Variants in TMEM272 observed in about 807,000 individuals in gnomAD.
TMEM272 encodes the protein long intergenic non-protein coding RNA 282.
Under a neutral mutation model 3.7 loss-of-function variants are expected in TMEM272, and 8 were observed. The observed-to-expected ratio is 2.17, with a 90% CI of 1.27 to 3.91. TMEM272 has a LOEUF of 3.91. TMEM272 is among the 30% of genes most tolerant of loss of function. The probability of loss-of-function intolerance (pLI) is 0.00; values close to 1 mark genes in which losing one functional copy is unlikely to be tolerated. For missense variants in TMEM272, 166 were observed against 91.5 expected (o/e 1.81, Z -3.32); for synonymous variants, 63 against 39.8 (o/e 1.58, Z -2.20).
intron 4 of TMEM272, among the ~76,000 whole-genome samples, chr13:51,818,421 G>A (rs770200723): frequency 1.2e-4 from 19 of 152,198 alleles, no homozygotes; most frequent in Non-Finnish European, 1.8e-4. Context: ...TGGCCCACAG[G>A]GGGCAGAGTC....
the TMEM272 span, chr13:51,865,308 C>T: frequency 1.6e-6 from 2 of 1,289,364 alleles, no homozygotes; most frequent in Non-Finnish European, 2.2e-6. Context: ...ACTCATAGAT[C>T]TGTCTTTTCT....
upstream of TMEM272, among the ~76,000 whole-genome samples, chr13:51,846,334 A>T (rs765673401): frequency 6.6e-6 from 1 of 152,262 alleles, no homozygotes; most frequent in Non-Finnish European, 1.5e-5. Flanking sequence ...GAACTAAAAA[A>T]TTCCTATCAC....
Position 51,816,856 on chromosome 13 carries a change from T to A in TMEM272, c.459A>T (p.Ala153=). Residue 153 remains alanine, a synonymous_variant, in exon 5 of 5, where the codon GCA becomes GCT. Coordinates refer to ENST00000629372, the MANE Select transcript of TMEM272 (RefSeq NM_001351003.2). ...TGTGACTGAGCGCCAGGACTCCGAC[T>A]GCAAAGAGGTACAGGGTTTTGTCAC... ...DYCDKTLYLF[A]VGVLALSHTV... 1.4e-6 allele frequency: 1 copy of A among 702,984 alleles called. No homozygotes were observed. 43.5% of individuals were successfully genotyped at this position (702,984 alleles called of 1,614,324 possible). A position where few individuals can be genotyped will look rare whatever the true frequency, so the allele number is the denominator to read the frequency against.
the TMEM272 span, among the ~76,000 whole-genome samples, chr13:51,888,315 T>C: frequency 6.6e-6 from 1 of 152,094 alleles, no homozygotes; most frequent in East Asian, 1.9e-4. Flanking sequence ...CAAAGTGCTG[T>C]GATTACAGGC....
At chr13:51,932,214 A>G in the TMEM272 span, 2 of 152,258 alleles carry the variant, frequency 1.3e-5, no homozygotes, top group Non-Finnish European at 2.9e-5. Context: ...CAAGATGCCC[A>G]CAGAGCTTTC....
rs543400121 is a variant in TMEM272, at chr13:51,831,539, G to A, written c.59-4914C>T. Among the ~76,000 whole-genome samples, 6 of 152,364 alleles carry A rather than the reference G, an allele frequency of 3.9e-5. No homozygotes were observed. The South Asian group carries it at 1.0e-3, about 26-fold the overall frequency. The stretch of plus-strand genomic sequence containing the variant: ...GCTCAGCATGGTGTGAGGTGCTGGG[G>A]TTGGGCTAGGTTGTAGGATCCACTG... On this transcript the variant is annotated intron_variant, in intron 2 of 4. Transcript: ENST00000629372.
the TMEM272 span, chr13:51,865,740 T>TC: frequency 1.2e-6 from 2 of 1,614,118 alleles, no homozygotes; most frequent in South Asian, 2.2e-5. Context: ...GAGAAAACTT[T>TC]CTGGAAAAAG....
the TMEM272 span, among the ~76,000 whole-genome samples, chr13:51,925,855 C>G: frequency 6.6e-6 from 1 of 152,160 alleles, no homozygotes; most frequent in Non-Finnish European, 1.5e-5. Context: ...CACCAAATCC[C>G]TCTCCTAAGA....
the TMEM272 span, among the ~76,000 whole-genome samples, chr13:51,896,651 C>T: frequency 2.9e-4 from 44 of 152,284 alleles, no homozygotes; most frequent in African/African-American, 1.0e-3. Flanking sequence ...TCCATCTCTT[C>T]CCATGAGGCA....
In TMEM272 at chr13:51,836,403, G is replaced by T. The variant is rs547700919; in HGVS notation, c.58+2070C>A. On this transcript the variant is annotated intron_variant, in intron 2 of 4. Transcript: ENST00000629372. ...GATTAAGAGACCTCCCTCAAATCTA[G>T]AACATTCTCATCAGCCCTTTTTGTT... Among the ~76,000 whole-genome samples the T allele has an allele frequency of 3.3e-5, 5 of 152,326 alleles. No individual in the cohort carries two copies. In the East Asian group the frequency reaches 5.8e-4, roughly 18 times the overall value.
upstream of TMEM272, among the ~76,000 whole-genome samples, chr13:51,847,863 G>GGA (rs1355967348): frequency 6.6e-6 from 1 of 152,130 alleles, no homozygotes; most frequent in Admixed American, 6.5e-5. Context: ...GTTCAGGAAG[G>GGA]GAGAAAACAA....
At chr13:51,934,250 G>C in the TMEM272 span, 10 of 236,538 alleles carry the variant, frequency 4.2e-5, no homozygotes, top group Non-Finnish European at 6.8e-5. Flanking sequence ...TATGTACGAA[G>C]AAAGGAACAG....
At chr13:51,856,285 T>C in the TMEM272 span, among the ~76,000 whole-genome samples, 1 of 152,202 alleles carries the variant, frequency 6.6e-6, no homozygotes, top group Non-Finnish European at 1.5e-5. Flanking sequence ...AGTGATGTTA[T>C]CTACAGGAGC....
the TMEM272 span, among the ~76,000 whole-genome samples, chr13:51,911,808 C>A: frequency 1.3e-3 from 194 of 152,214 alleles, no homozygotes; most frequent in African/African-American, 4.5e-3. Flanking sequence ...TAAACTTGCC[C>A]GAGACAGAGC....
At chr13:51,933,306 C>T in the TMEM272 span, 1 of 152,228 alleles carries the variant, frequency 6.6e-6, no homozygotes, top group Non-Finnish European at 1.5e-5. Context: ...CTCTTGGAGC[C>T]TGTTTCCTTG....
At chr13:51,856,195 A>T in the TMEM272 span, among the ~76,000 whole-genome samples, 2 of 152,212 alleles carry the variant, frequency 1.3e-5, no homozygotes, top group African/African-American at 4.8e-5. Flanking sequence ...CTGAGTTATA[A>T]ATCATGGATT....
chr13:51,822,675 A>G (rs1956090259), intron 3 of TMEM272, among the ~76,000 whole-genome samples: 1 of 152,140 alleles, frequency 6.6e-6, no homozygotes, highest in Non-Finnish European at 1.5e-5. Context: ...CAGTCACCAT[A>G]TGATAACCAT....
the TMEM272 span, among the ~76,000 whole-genome samples, chr13:51,872,863 A>G: frequency 8.3e-4 from 126 of 152,390 alleles, no homozygotes; most frequent in Middle Eastern, 0.01. Context: ...CGAATTATCA[A>G]GAATGAGGGT....
At chr13:51,854,010 G>T in the TMEM272 span, among the ~76,000 whole-genome samples, 1 of 152,140 alleles carries the variant, frequency 6.6e-6, no homozygotes, top group East Asian at 1.9e-4. Flanking sequence ...GCATTGAAAA[G>T]ATTAAGTTAA....
Sources: gnomAD v4.1 joint callset for allele counts (sites outside exome capture counted in the v4.1 genomes callset) on GRCh38, gnomAD v4.1.1 for gene constraint, MANE v1.5 for transcripts, NCBI Gene and HGNC (gene_info 2026-07-23, HGNC 2026-07-21) for gene names.